Variants in EML5 observed in about 807,000 individuals in gnomAD.
EML5 encodes echinoderm microtubule-associated protein-like 5.
A neutral mutation model predicts 250.0 loss-of-function variants in EML5; 120 were observed. The observed-to-expected ratio is 0.48, with a 90% CI of 0.41 to 0.56. EML5 has a LOEUF of 0.56. EML5 is among the 20% of genes least tolerant of loss of function. EML5 has a pLI of 0.00. For missense variants in EML5, 2,006 were observed against 2,437.6 expected, an observed-to-expected ratio of 0.82 and a Z score of 3.73; for synonymous variants, 771 against 806.5, an observed-to-expected ratio of 0.96 and a Z score of 0.75.
At chr14:88,669,699 G>A (rs1015479161) in intron 21 of EML5, among the ~76,000 whole-genome samples, 1 of 152,120 alleles carries the variant, frequency 6.6e-6, no homozygotes, top group Non-Finnish European at 1.5e-5. Context: ...AGGACAAGTG[G>A]GATTTCCCCC....
At chr14:88,751,558 ATTCAGTTT>A (rs762060178) in intron 2 of EML5, among the ~76,000 whole-genome samples, 3 of 152,110 alleles carry the variant, frequency 2.0e-5, no homozygotes, top group Non-Finnish European at 4.4e-5. Context: ...TAAAGAGAGA[ATTCAGTTT>A]TAAATGTAGA....
At chr14:88,713,621 T>C in intron 9 of EML5, among the ~76,000 whole-genome samples, 1 of 115,756 alleles carries the variant, frequency 8.6e-6, no homozygotes, top group African/African-American at 3.2e-5. Flanking sequence ...ACCTGCTCAT[T>C]TTTTTTTTTT....
intron 28 of EML5, among the ~76,000 whole-genome samples, chr14:88,649,287 C>A (rs891365423): frequency 6.6e-6 from 1 of 152,138 alleles, no homozygotes; most frequent in Non-Finnish European, 1.5e-5. Context: ...CCTCTCACTT[C>A]GGCCTTCCCA....
intron 36 of EML5, chr14:88,623,422 G>T (rs180680947): frequency 1.3e-5 from 2 of 151,990 alleles, no homozygotes; most frequent in East Asian, 1.9e-4. Context: ...CTACAGAGTT[G>T]ATTTATTTAT....
At chr14:88,665,528 T>C (rs1480690485) in intron 21 of EML5, 39 bp from the exon 22 acceptor site, 4 of 1,612,464 alleles carry the variant, frequency 2.5e-6, no homozygotes, top group Middle Eastern at 1.7e-4. Flanking sequence ...TTTCCCTTTT[T>C]TCTAATTTAA....
At chr14:88,616,082 G>A in intron 43 of EML5, 60 bp downstream of exon 43, 2 of 1,548,272 alleles carry the variant, frequency 1.3e-6, no homozygotes, top group Non-Finnish European at 1.8e-6. Flanking sequence ...AGGAGTTGTT[G>A]TATTAAGTCT....
chr14:88,739,467 A>G (rs993081985), intron 5 of EML5, among the ~76,000 whole-genome samples: 12 of 152,216 alleles, frequency 7.9e-5, no homozygotes, highest in African/African-American at 2.9e-4. Flanking sequence ...GTATTTAATT[A>G]TATGGATAGA....
chr14:88,787,271 A>G (rs1225677234), intron 1 of EML5, among the ~76,000 whole-genome samples: 2 of 152,224 alleles, frequency 1.3e-5, no homozygotes, highest in Non-Finnish European at 2.9e-5. Context: ...TATTCCTAGT[A>G]TACATATGCT....
chr14:88,723,249 CA>C (rs1438987532), intron 8 of EML5, among the ~76,000 whole-genome samples: 2 of 152,034 alleles, frequency 1.3e-5, no homozygotes, highest in Non-Finnish European at 2.9e-5. Context: ...CCAGGCTCTA[CA>C]AAAATTTTAA....
rs1205624400 is a variant in EML5 at position 88,628,522 on chromosome 14, C to CT, written c.4358-704dup. Among the ~76,000 whole-genome samples, 16 of 151,992 alleles carry CT rather than the reference C, an allele frequency of 1.1e-4. No individual in the cohort carries two copies. The South Asian group carries it at 3.1e-3, about 30-fold the overall frequency. On this transcript the variant is annotated intron_variant, in intron 33 of 43. Transcript: ENST00000554922. ...TAAAAAAATTATAGTTTTATATTTTCTTTTTTATGAACTGCACCCTATAAA... is the reference window on the plus strand; with the variant it reads ...TAAAAAAATTATAGTTTTATATTTTCTTTTTTTATGAACTGCACCCTATAAA...
intron 10 of EML5, among the ~76,000 whole-genome samples, chr14:88,707,004 A>C (rs1236225872): frequency 6.6e-6 from 1 of 152,214 alleles, no homozygotes; most frequent in Non-Finnish European, 1.5e-5. Flanking sequence ...AATCATTTTA[A>C]AAATCCAGAT....
intron 1 of EML5, among the ~76,000 whole-genome samples, chr14:88,758,353 C>T (rs2094191685): frequency 6.6e-6 from 1 of 151,844 alleles, no homozygotes. Context: ...CCACCACGCC[C>T]AGCTAATTTT....
chr14:88,716,791 G>T (rs1026601076), intron 8 of EML5, among the ~76,000 whole-genome samples: 2 of 151,790 alleles, frequency 1.3e-5, no homozygotes, highest in Admixed American at 1.3e-4. Context: ...GAGAGATTGT[G>T]GTTGACTGAT....
intron 1 of EML5, among the ~76,000 whole-genome samples, chr14:88,786,248 T>G (rs2094549930): frequency 1.3e-5 from 2 of 152,192 alleles, no homozygotes; most frequent in Admixed American, 1.3e-4. Flanking sequence ...TATCGCATTT[T>G]CTCACCTTCT....
Position 88,726,536 on chromosome 14 carries a change from C to G in EML5, c.1187+5G>C. The G allele has an allele frequency of 6.2e-7, 1 of 1,602,312 alleles. No homozygotes were observed. Among genetic ancestry groups the G allele is most frequent in the Admixed American group, 1.7e-5 (1 of 58,688 alleles). ...TTATTATGTGTTTCTACCCTAATAC[C>G]ATACCTTACTCTAAGTACAGTGAAT... On this transcript the variant is annotated splice_donor_5th_base_variant and intron_variant, in intron 8 of 43. Transcript: ENST00000554922.
chr14:88,622,480 G>T, intron 37 of EML5, 124 bp downstream of exon 37: 1 of 726,564 alleles, frequency 1.4e-6, no homozygotes, highest in Non-Finnish European at 2.0e-6. Context: ...GAGTAATGTT[G>T]GCAAGCAAAT....
At position 88,618,631 on chromosome 14, in the gene EML5, T is replaced by C. The variant is rs751797561; in HGVS notation, c.5538+19A>G. On this transcript the variant is annotated intron_variant, in intron 40 of 43. Coordinates refer to ENST00000554922, the MANE Select transcript of EML5 (RefSeq NM_183387.3). ...AGCAGAAGAACTTGCCACCTGGGTA[T>C]ACAGTATTGGTACTGTACCTGGAGA... The C allele has an allele frequency of 3.8e-6, 6 of 1,599,392 alleles. No individual in the cohort carries two copies. The South Asian group carries it at 6.8e-5, about 18-fold the overall frequency.
intron 1 of EML5, among the ~76,000 whole-genome samples, chr14:88,762,047 T>C (rs1431056209): frequency 6.6e-6 from 1 of 152,214 alleles, no homozygotes; most frequent in African/African-American, 2.4e-5. Flanking sequence ...TGTTTTTTTC[T>C]TGTAAATTTG....
At chr14:88,618,545 T>A in intron 40 of EML5, 105 bp downstream of exon 40, 1 of 1,350,994 alleles carries the variant, frequency 7.4e-7, no homozygotes, top group Non-Finnish European at 1.0e-6. Context: ...AGGGAGGAGT[T>A]GAGAAGCTGG....
Sources: allele counts gnomAD v4.1 joint callset (sites outside exome capture counted in the v4.1 genomes callset), GRCh38; gene constraint gnomAD v4.1.1; transcripts MANE v1.5; gene names NCBI Gene and HGNC (gene_info 2026-07-23, HGNC 2026-07-21).